Variants in ABCB1 observed in about 807,000 individuals in gnomAD.
ABCB1 encodes the protein ATP binding cassette subfamily B member 1.
ABCB1 carries 69 observed loss-of-function variants against 142.0 expected under a neutral mutation model. The observed-to-expected ratio is 0.49, with a 90% CI of 0.40 to 0.59. ABCB1 has a LOEUF of 0.59. ABCB1 is among the 20% of genes least tolerant of loss of function. ABCB1 has a pLI of 0.00. For missense variants in ABCB1, 1,326 were observed against 1,554.7 expected, an observed-to-expected ratio of 0.85 and a Z score of 2.47; for synonymous variants, 532 against 539.2, an observed-to-expected ratio of 0.99 and a Z score of 0.18.
At chr7:87,685,278 A>T (rs956269586) in intron 1 of ABCB1, among the ~76,000 whole-genome samples, 2 of 152,218 alleles carry the variant, frequency 1.3e-5, no homozygotes, top group Non-Finnish European at 2.9e-5. Context: ...ATATGCAAAG[A>T]GCTGAACAGA....
chr7:87,514,369 T>C (rs1461671154), intron 25 of ABCB1, among the ~76,000 whole-genome samples: 2 of 152,180 alleles, frequency 1.3e-5, no homozygotes, highest in Non-Finnish European at 2.9e-5. Context: ...TCCTAGTTTG[T>C]CTTCTTTCCT....
intron 6 of ABCB1, among the ~76,000 whole-genome samples, 196 bp downstream of exon 6, chr7:87,566,589 T>C (rs1340758701): frequency 6.6e-6 from 1 of 152,194 alleles, no homozygotes; most frequent in Non-Finnish European, 1.5e-5. Flanking sequence ...ATGCTAGTCA[T>C]GCAGGTCCCC....
chr7:87,655,563 G>C lies in ABCB1; in HGVS notation c.-330-54485C>G, dbSNP rs958702327. 2.6e-5 allele frequency among the ~76,000 whole-genome samples: 4 copies of C among 152,240 alleles called. No homozygotes were observed. The East Asian group carries it at 7.7e-4, about 29-fold the overall frequency. ...AGTAGAATGGTGGTTACCGTGTGCT[G>C]GAAGGAGAGGGATCAGAGAGATGTT... On this transcript the variant is annotated intron_variant, in intron 1 of 28. Coordinates refer to the ABCB1 transcript ENST00000265724.
chr7:87,597,866 T>G (rs1257276459), intron 2 of ABCB1, among the ~76,000 whole-genome samples: 1 of 152,218 alleles, frequency 6.6e-6, no homozygotes, highest in East Asian at 1.9e-4. Flanking sequence ...ATTTTTTCCT[T>G]GTTGAACTTT....
intron 25 of ABCB1, among the ~76,000 whole-genome samples, chr7:87,512,180 T>TC (rs1554424743): frequency 1.4e-4 from 18 of 128,880 alleles, no homozygotes; most frequent in East Asian, 1.0e-3. Flanking sequence ...AATTTTGCAT[T>TC]AAAAAAAAAA....
intron 9 of ABCB1, among the ~76,000 whole-genome samples, chr7:87,551,683 G>C (rs1190328266): frequency 6.6e-6 from 1 of 151,766 alleles, no homozygotes; most frequent in Non-Finnish European, 1.5e-5. Flanking sequence ...ATAGAGATGA[G>C]ATCTCACTAT....
chr7:87,653,126 A>G (rs1281971224), intron 1 of ABCB1, among the ~76,000 whole-genome samples: 1 of 152,090 alleles, frequency 6.6e-6, no homozygotes, highest in Non-Finnish European at 1.5e-5. Flanking sequence ...TAATCTCTCA[A>G]TAAGATGTTG....
chr7:87,555,063 T>C (rs1377088359), intron 8 of ABCB1, among the ~76,000 whole-genome samples: 1 of 152,154 alleles, frequency 6.6e-6, no homozygotes, highest in Admixed American at 6.5e-5. Flanking sequence ...GACGGTAAAG[T>C]TAAAGGAGAT....
intron 18 of ABCB1, among the ~76,000 whole-genome samples, chr7:87,539,572 C>T (rs1411865748): frequency 6.6e-6 from 1 of 152,164 alleles, no homozygotes; most frequent in Admixed American, 6.5e-5. Flanking sequence ...CTGATAAGAT[C>T]CATAGCCCAC....
rs114024872 is a variant in ABCB1 at position 87,558,406 on chromosome 7, G to C, written c.827+2857C>G. 1.9e-4 allele frequency among the ~76,000 whole-genome samples: 29 copies of C among 152,210 alleles called. No homozygotes were observed. In the East Asian group the frequency reaches 2.3e-3, roughly 12 times the overall value. On this transcript the variant is annotated intron_variant, in intron 8 of 27. Coordinates refer to ENST00000622132, the MANE Select transcript of ABCB1 (RefSeq NM_001348946.2). ...ATGATAGGTACCCAGAGATCTTATT[G>C]TATTTTGTTAGCTTATAAAACCTAC...
At chr7:87,620,532 A>G (rs764717202) in intron 1 of ABCB1, among the ~76,000 whole-genome samples, 1 of 152,188 alleles carries the variant, frequency 6.6e-6, no homozygotes, top group African/African-American at 2.4e-5. Context: ...CCGTTGCATG[A>G]GATAATTTAC....
chr7:87,703,915 T>TTTTTTTTTTTTTG (rs1829352295), intron 1 of ABCB1, among the ~76,000 whole-genome samples: 1 of 18,530 alleles, frequency 5.4e-5, no homozygotes, highest in African/African-American at 2.1e-4. Flanking sequence ...TTTTTTTTGG[T>TTTTTTTTTTTTTG]TTTTTTTTTT....
intron 1 of ABCB1, among the ~76,000 whole-genome samples, chr7:87,696,495 C>T (rs1028611707): frequency 2.6e-5 from 4 of 152,118 alleles, no homozygotes; most frequent in Admixed American, 1.3e-4. Context: ...TTAAACCTTT[C>T]TGTAGATGCA....
At chr7:87,656,517 T>C (rs1824119882) in intron 1 of ABCB1, among the ~76,000 whole-genome samples, 1 of 151,824 alleles carries the variant, frequency 6.6e-6, no homozygotes. Flanking sequence ...AATATCAAGG[T>C]TTGTTTTGGA....
chr7:87,627,338 T>G (rs1381961017), intron 1 of ABCB1, among the ~76,000 whole-genome samples: 1 of 152,096 alleles, frequency 6.6e-6, no homozygotes, highest in Non-Finnish European at 1.5e-5. Flanking sequence ...GACAGAAACT[T>G]CAAAAGTAGA....
At chr7:87,586,469 G>GA (rs994900498) in intron 3 of ABCB1, among the ~76,000 whole-genome samples, 10 of 151,634 alleles carry the variant, frequency 6.6e-5, no homozygotes, top group Non-Finnish European at 1.2e-4. Context: ...AAACCAAAGG[G>GA]AAAAAAAACA....
chr7:87,519,615 C>T, intron 22 of ABCB1, 149 bp from the exon 23 acceptor site: 1 of 873,514 alleles, frequency 1.1e-6, no homozygotes, highest in South Asian at 1.5e-5. Flanking sequence ...TCACTTTACA[C>T]TTAACAGTTG....
At chr7:87,697,723 T>A (rs1828616751) in intron 1 of ABCB1, among the ~76,000 whole-genome samples, 1 of 152,252 alleles carries the variant, frequency 6.6e-6, no homozygotes, top group Non-Finnish European at 1.5e-5. Flanking sequence ...TTGCTGCACA[T>A]ACATGATCAC....
At chr7:87,605,001 A>G (rs550326379), upstream of ABCB1, among the ~76,000 whole-genome samples, 10 of 152,320 alleles carry the variant, frequency 6.6e-5, no homozygotes, top group African/African-American at 2.2e-4. Flanking sequence ...GTTTCAATAA[A>G]TGTTTGTAGA....
Sources: allele counts gnomAD v4.1 joint callset (sites outside exome capture counted in the v4.1 genomes callset), GRCh38; gene constraint gnomAD v4.1.1; transcripts MANE v1.5; gene names NCBI Gene and HGNC (gene_info 2026-07-23, HGNC 2026-07-21).